CYFIP2: variants seen among roughly 807,000 people sequenced by gnomAD.
The protein encoded by CYFIP2 is cytoplasmic FMR1-interacting protein 2.
In CYFIP2, 29 loss-of-function variants were observed where a neutral mutation model predicts 158.7. The observed-to-expected ratio is 0.18, with a 90% CI of 0.14 to 0.25. The LOEUF is 0.25. Ranked by LOEUF, CYFIP2 falls within the 10% of genes least tolerant of loss-of-function variation. The pLI is 1.00. For synonymous variants in CYFIP2, 585 were observed against 617.6 expected (o/e 0.95, Z 0.78); for missense variants, 852 against 1,639.5 (o/e 0.52, Z 8.29).
chr5:157,325,786 G>C, intron 17 of CYFIP2, 148 bp downstream of exon 17: 2 of 854,102 alleles, frequency 2.3e-6, no homozygotes, highest in Non-Finnish European at 3.4e-6. Flanking sequence ...CAGCCAGACA[G>C]AATCATTTAA....
In CYFIP2 at chr5:157,311,096, AGG is replaced by A; in HGVS notation, c.993-567_993-566del. 4.0e-6 allele frequency: 1 copy of A among 248,920 alleles called. No individual in the cohort carries two copies. The highest frequency in any genetic ancestry group is 8.2e-6 in the Non-Finnish European group (1 of 122,488). The allele number at this position is 248,920 out of a possible 1,614,324, so 15.4% of individuals were successfully genotyped here. ...AAAGAGAAGGAGAGAAGGGGGCGAG[AGG>A]TAGAGGGGGTGGGTGGAGGGAGGGG... On this transcript the variant is annotated intron_variant, in intron 10 of 30. Transcript: ENST00000620254. The surrounding 1 kb of genome is among the most constrained non-coding windows in gnomAD (Gnocchi z 4.7).
At position 157,300,574 on chromosome 5, in the gene CYFIP2, T is replaced by A. The variant is rs982749655; in HGVS notation, c.388-141T>A. The A allele has an allele frequency of 1.6e-5, 10 of 643,722 alleles. No individual in the cohort carries two copies. In the African/African-American group the frequency reaches 1.9e-4, roughly 12 times the overall value. 39.9% of individuals were successfully genotyped at this position (643,722 alleles called of 1,614,324 possible). A position where few individuals can be genotyped will look rare whatever the true frequency, so the allele number is the denominator to read the frequency against. On this transcript the variant is annotated intron_variant, in intron 5 of 30. Coordinates refer to ENST00000620254, the MANE Select transcript of CYFIP2 (RefSeq NM_001037333.3). ...AGAAAAAAAGAAATTAGCTTCGGAT[T>A]TAAGGACTCCTCTGAGAAAAATTGC...
intron 26 of CYFIP2, chr5:157,376,676 C>T: frequency 5.1e-6 from 1 of 196,480 alleles, no homozygotes; most frequent in Non-Finnish European, 1.1e-5. Flanking sequence ...TGCTGTTTTT[C>T]TCTTGGGTCT....
chr5:157,349,515 A>G (rs1296064311), intron 23 of CYFIP2, among the ~76,000 whole-genome samples: 2 of 152,154 alleles, frequency 1.3e-5, no homozygotes, highest in Non-Finnish European at 2.9e-5. Context: ...TTATCCACTC[A>G]TTGATTAGTG....
At chr5:157,325,435 C>A (rs777054648) in intron 16 of CYFIP2, 47 bp from the exon 17 acceptor site, 8 of 1,540,896 alleles carry the variant, frequency 5.2e-6, no homozygotes, top group South Asian at 1.3e-5. Flanking sequence ...GAACTAAGGT[C>A]TTTTAGTTCT....
At chr5:157,285,929 T>C (rs1042877847) in intron 2 of CYFIP2, among the ~76,000 whole-genome samples, 1 of 152,226 alleles carries the variant, frequency 6.6e-6, no homozygotes, top group Admixed American at 6.5e-5. Flanking sequence ...AGAGCAAAGC[T>C]TGTGATAAAC....
chr5:157,360,778 A>G lies in CYFIP2; in HGVS notation c.2908+406A>G, dbSNP rs376241626. ...ACATCTAAGATAAGTCAGGAAATGG[A>G]CATCTTTGCTGTTTGACCGCTGGGC... On this transcript the variant is annotated intron_variant, in intron 25 of 30. Transcript: ENST00000620254. Among the ~76,000 whole-genome samples, 11 of 152,318 alleles carry G rather than the reference A, an allele frequency of 7.2e-5. 1 individual carries two copies. Among genetic ancestry groups the G allele is most frequent in the Admixed American group, 6.5e-4 (10 of 15,300 alleles).
At chr5:157,302,051 G>T (rs1336928044) in intron 6 of CYFIP2, among the ~76,000 whole-genome samples, 1 of 152,200 alleles carries the variant, frequency 6.6e-6, no homozygotes, top group Non-Finnish European at 1.5e-5. Flanking sequence ...TTTATGGGTA[G>T]CTTATTGCAT....
At chr5:157,336,183 G>A (rs1164998231) in intron 21 of CYFIP2, among the ~76,000 whole-genome samples, 2 of 152,154 alleles carry the variant, frequency 1.3e-5, no homozygotes, top group Non-Finnish European at 2.9e-5. Flanking sequence ...TTCTGAGATG[G>A]GGAGGCAACT....
intron 21 of CYFIP2, among the ~76,000 whole-genome samples, chr5:157,336,815 G>A (rs10038052): frequency 0.47 from 71,695 of 152,090 alleles, 18,689 homozygotes; most frequent in African/African-American, 0.71. Context: ...GCTTTGGTGC[G>A]TTGAGCCCTG....
At chr5:157,309,209 T>C (rs1759498571) in intron 9 of CYFIP2, among the ~76,000 whole-genome samples, 1 of 152,232 alleles carries the variant, frequency 6.6e-6, no homozygotes, top group South Asian at 2.1e-4. Context: ...TAGTACCTAG[T>C]GCATGAGAAG....
chr5:157,337,284 C>T (rs1479198931), intron 21 of CYFIP2, among the ~76,000 whole-genome samples: 1 of 152,128 alleles, frequency 6.6e-6, no homozygotes, highest in African/African-American at 2.4e-5. Context: ...CTTATTCCTC[C>T]GATGCTGTTC....
intron 6 of CYFIP2, among the ~76,000 whole-genome samples, chr5:157,301,165 G>A (rs965670958): frequency 2.0e-5 from 3 of 152,164 alleles, no homozygotes; most frequent in Non-Finnish European, 4.4e-5. Flanking sequence ...TGGAGCAGCA[G>A]CATTTTATGT....
At chr5:157,304,764 CT>C (rs768501372) in intron 8 of CYFIP2, 35 of 157,762 alleles carry the variant, frequency 2.2e-4, no homozygotes, top group African/African-American at 3.6e-4. Context: ...CAGAATAAAT[CT>C]TTTTTTTTAT....
At chr5:157,350,377 G>A (rs1762983932) in intron 23 of CYFIP2, among the ~76,000 whole-genome samples, 1 of 152,116 alleles carries the variant, frequency 6.6e-6, no homozygotes, top group African/African-American at 2.4e-5. Flanking sequence ...TGTTGAAAAG[G>A]GTGTCTGTCC....
intron 7 of CYFIP2, among the ~76,000 whole-genome samples, chr5:157,303,458 G>A (rs1758949092): frequency 6.6e-6 from 1 of 152,174 alleles, no homozygotes; most frequent in Non-Finnish European, 1.5e-5. Context: ...ACATAAGCAA[G>A]ACAAGCATAA....
intron 26 of CYFIP2, among the ~76,000 whole-genome samples, chr5:157,367,988 CCTCAAGTGAT>C (rs1340292942): frequency 5.9e-5 from 9 of 152,054 alleles, no homozygotes; most frequent in African/African-American, 2.2e-4. Flanking sequence ...GAACTCCTGA[CCTCAAGTGAT>C]CTGCCCACCT....
At chr5:157,367,059 A>C (rs976279711) in intron 26 of CYFIP2, among the ~76,000 whole-genome samples, 2 of 152,068 alleles carry the variant, frequency 1.3e-5, no homozygotes, top group Non-Finnish European at 2.9e-5. Context: ...TCCTTATTAG[A>C]GTGGACCACA....
At chr5:157,383,696 G>T (rs1359391764) in intron 28 of CYFIP2, 1 of 193,138 alleles carries the variant, frequency 5.2e-6, no homozygotes, top group East Asian at 1.2e-4. Flanking sequence ...TGAGCCAGCA[G>T]TTCACTTCTG....
Sources: gnomAD v4.1 joint callset for allele counts (sites outside exome capture counted in the v4.1 genomes callset) on GRCh38, gnomAD v4.1.1 for gene constraint, Gnocchi (gnomAD v3.1) non-coding constraint, MANE v1.5 for transcripts, NCBI Gene and HGNC (gene_info 2026-07-23, HGNC 2026-07-21) for gene names.